DNMT3A: variants seen among roughly 807,000 people sequenced by gnomAD.
The protein encoded by DNMT3A is DNA (cytosine-5)-methyltransferase 3A.
A neutral mutation model predicts 117.6 loss-of-function variants in DNMT3A; 267 were observed. The ratio of observed to expected loss-of-function variants is 2.27; its 90% confidence interval spans 2.05 to 2.51. The LOEUF is 2.51. Among genes scored for constraint, DNMT3A ranks in the 30% most tolerant of loss-of-function variants. The pLI is 0.00. For missense variants in DNMT3A, 1,029 were observed against 1,260.2 expected (o/e 0.82, Z 2.78); for synonymous variants, 432 against 474.8 (o/e 0.91, Z 1.17).
intron 2 of DNMT3A, among the ~76,000 whole-genome samples, chr2:25,308,421 A>C (rs2033899266): frequency 6.6e-6 from 1 of 152,108 alleles, no homozygotes; most frequent in South Asian, 2.1e-4. Context: ...GTACTGACCA[A>C]GATTAACTAC....
chr2:25,237,258 G>A lies in DNMT3A; in HGVS notation c.2409-253C>T, dbSNP rs17046942. The stretch of plus-strand genomic sequence containing the variant: ...GTAAATTCAAAAGTGGTCTCAAATT[G>A]TGAACAGGCAGATAACACCTAGCAG... On this transcript the variant is annotated intron_variant, in intron 20 of 22. Transcript: ENST00000321117. The surrounding 1 kb of genome is among the most constrained non-coding windows in gnomAD (Gnocchi z 5.4). Among the ~76,000 whole-genome samples, 772 of 152,250 alleles carry A rather than the reference G, an allele frequency of 5.1e-3. 9 individuals are homozygous for A. The highest frequency in any genetic ancestry group is 0.018 in the African/African-American group (741 of 41,534).
chr2:25,342,387 C>G (rs1432882175), upstream of DNMT3A: 2 of 152,102 alleles, frequency 1.3e-5, no homozygotes, highest in African/African-American at 4.8e-5. The surrounding 1 kb of genome is among the most constrained non-coding windows in gnomAD (Gnocchi z 5.9). Context: ...TAGCCGAGCT[C>G]CGGGCCTCGC....
chr2:25,280,327 C>G (rs1279797365), intron 4 of DNMT3A, among the ~76,000 whole-genome samples: 9 of 130,770 alleles, frequency 6.9e-5, no homozygotes, highest in South Asian at 6.3e-4. Context: ...CCCGCCCCCC[C>G]ACCCCCCACC....
chr2:25,326,151 T>TGTGG (rs749169220), intron 1 of DNMT3A, among the ~76,000 whole-genome samples: 1 of 141,912 alleles, frequency 7.0e-6, no homozygotes, highest in Non-Finnish European at 1.6e-5. Context: ...TGTGTGTGTG[T>TGTGG]GGTGTGTTTG....
rs1165199901 is a variant in DNMT3A, at chr2:25,282,501, T to C, written c.388A>G (p.Arg130Gly). Reference protein sequence around the residue: ...GAAETLPEASRAVENGCCTPK... With the variant: ...GAAETLPEASGAVENGCCTPK... ...GTGCAGCAGCCATTTTCCACTGCTC[T>C]TGAGGCTTCAGGCAGGGTCTCAGCT... The change falls in exon 4 of 23, where the codon AGA (arginine) becomes GGA (glycine). Residue 130 changes from arginine to glycine, a missense_variant. Coordinates refer to ENST00000321117, the MANE Select transcript of DNMT3A (RefSeq NM_022552.5). This position sits in a 1 kb window ranked among gnomAD's most constrained non-coding sequence, Gnocchi z 5.2. The C allele has an allele frequency of 2.5e-6, 4 of 1,613,338 alleles. No individual in the cohort carries two copies. Among genetic ancestry groups the C allele is most frequent in the Non-Finnish European group, 3.4e-6 (4 of 1,179,950 alleles).
intron 3 of DNMT3A, among the ~76,000 whole-genome samples, chr2:25,284,814 C>T (rs1469534961): frequency 2.6e-5 from 4 of 151,882 alleles, no homozygotes; most frequent in East Asian, 1.9e-4. Context: ...TATGCATTGA[C>T]AATCATGTGT....
chr2:25,340,982 A>T (rs1315880011), intron 1 of DNMT3A, among the ~76,000 whole-genome samples: 6 of 138,628 alleles, frequency 4.3e-5, no homozygotes, highest in Non-Finnish European at 7.9e-5. Flanking sequence ...GGGCACGACC[A>T]CCCCTCTCCG....
chr2:25,296,974 C>T lies in DNMT3A; in HGVS notation c.177+3165G>A, dbSNP rs1481786217. Among the ~76,000 whole-genome samples, 1 of 152,184 alleles carries T rather than the reference C, an allele frequency of 6.6e-6. No homozygotes were observed. Among genetic ancestry groups the T allele is most frequent in the African/African-American group, 2.4e-5 (1 of 41,444 alleles). On this transcript the variant is annotated intron_variant, in intron 3 of 22. Transcript: ENST00000321117. This position sits in a 1 kb window ranked among gnomAD's most constrained non-coding sequence, Gnocchi z 4.2. ...GTCAGGACCTGAGCCAAGCTCCTTCCCCAGGCTTAGCTGGATGACACACTC... is the reference window on the plus strand; with the variant it reads ...GTCAGGACCTGAGCCAAGCTCCTTCTCCAGGCTTAGCTGGATGACACACTC...
At chr2:25,235,060 G>A (rs1321787662) in intron 22 of DNMT3A, among the ~76,000 whole-genome samples, 1 of 152,198 alleles carries the variant, frequency 6.6e-6, no homozygotes, top group Non-Finnish European at 1.5e-5. Context: ...GCCCTATGCT[G>A]GCTTGGTTTA....
Position 25,282,847 on chromosome 2 carries a change from T to G in DNMT3A, c.178-136A>C. On this transcript the variant is annotated intron_variant, in intron 3 of 22. Transcript: ENST00000321117. The surrounding 1 kb of genome is among the most constrained non-coding windows in gnomAD (Gnocchi z 5.2). The stretch of plus-strand genomic sequence containing the variant: ...GAAACTGTGTTCATATAAACCTTCA[T>G]GCAAACAGATACATTCACAATTTTG... 2.7e-6 allele frequency: 3 copies of G among 1,109,034 alleles called. No individual in the cohort carries two copies. The highest frequency in any genetic ancestry group is 3.7e-6 in the Non-Finnish European group (3 of 816,084). The allele number at this position is 1,109,034 out of a possible 1,614,324, so 68.7% of individuals were successfully genotyped here. A position where few individuals can be genotyped will look rare whatever the true frequency, so the allele number is the denominator to read the frequency against.
At chr2:25,335,271 G>A (rs1212479617) in intron 1 of DNMT3A, among the ~76,000 whole-genome samples, 1 of 152,120 alleles carries the variant, frequency 6.6e-6, no homozygotes, top group Non-Finnish European at 1.5e-5. Flanking sequence ...TTATCACTTC[G>A]GGAACCTATA....
chr2:25,302,194 T>G (rs181552772), intron 2 of DNMT3A, among the ~76,000 whole-genome samples: 5 of 151,722 alleles, frequency 3.3e-5, no homozygotes, highest in Admixed American at 3.3e-4. Flanking sequence ...ACACAGGAGA[T>G]AGAGAGAGAA....
intron 5 of DNMT3A, 147 bp downstream of exon 5, chr2:25,275,353 A>G: frequency 7.9e-7 from 1 of 1,272,970 alleles, no homozygotes; most frequent in Non-Finnish European, 1.1e-6. Context: ...GGGACTTCCA[A>G]CCTCCACGCC....
In DNMT3A at chr2:25,327,203, T is replaced by C. The variant is rs1258299386; in HGVS notation, c.-177-13042A>G. On this transcript the variant is annotated intron_variant, in intron 1 of 22. Transcript: ENST00000321117. This position sits in a 1 kb window ranked among gnomAD's most constrained non-coding sequence, Gnocchi z 4.1. ...TTACTTCTTACTAGCCAATTCCTCA[T>C]TATTCCAATCCAATTAGAGTTAATA... 6.6e-6 allele frequency among the ~76,000 whole-genome samples: 1 copy of C among 152,238 alleles called. No individual in the cohort carries two copies. The highest frequency in any genetic ancestry group is 1.5e-5 in the Non-Finnish European group (1 of 68,046).
intron 20 of DNMT3A, among the ~76,000 whole-genome samples, chr2:25,238,332 A>G (rs909857694): frequency 7.2e-5 from 11 of 152,174 alleles, no homozygotes; most frequent in Non-Finnish European, 1.5e-4. Flanking sequence ...CCTCATGGGA[A>G]TAGCAAGGAG....
rs541926518 is a variant in DNMT3A, at chr2:25,234,539, G to A, written c.2598-119C>T. Reference sequence around the variant, plus strand: ...GCAGCCACCCGAAGTGCAGGGACAGGGGCACTCACACCCACCAACTCCTCT... The same window carrying A: ...GCAGCCACCCGAAGTGCAGGGACAGAGGCACTCACACCCACCAACTCCTCT... On this transcript the variant is annotated intron_variant, in intron 22 of 22. Coordinates refer to ENST00000321117, the MANE Select transcript of DNMT3A (RefSeq NM_022552.5). This position sits in a 1 kb window ranked among gnomAD's most constrained non-coding sequence, Gnocchi z 4.5. 6 of 1,208,826 alleles carry A rather than the reference G, an allele frequency of 5.0e-6. No homozygotes were observed. The highest frequency in any genetic ancestry group is 2.9e-5 in the Admixed American group (1 of 35,068). 74.9% of individuals were successfully genotyped at this position (1,208,826 alleles called of 1,614,324 possible).
At chr2:25,249,819 GCA>G (rs1675294710) in intron 6 of DNMT3A, 1 of 1,413,746 alleles carries the variant, frequency 7.1e-7, no homozygotes, top group Non-Finnish European at 1.0e-6. Flanking sequence ...TCAAGGCTTT[GCA>G]CCCATTTCCA....
At chr2:25,249,699 C>A in intron 6 of DNMT3A, 1 of 1,614,234 alleles carries the variant, frequency 6.2e-7, no homozygotes, top group Non-Finnish European at 8.5e-7. Flanking sequence ...CGCGCCCATT[C>A]CTTCTCACAA....
intron 1 of DNMT3A, among the ~76,000 whole-genome samples, chr2:25,341,264 C>T (rs1293851721): frequency 6.9e-6 from 1 of 144,490 alleles, no homozygotes; most frequent in East Asian, 2.1e-4. Context: ...TTTCTGCCGC[C>T]GCCGCGGAGC....
Sources: allele counts gnomAD v4.1 joint callset (sites outside exome capture counted in the v4.1 genomes callset), GRCh38; gene constraint gnomAD v4.1.1; non-coding constraint Gnocchi (gnomAD v3.1); transcripts MANE v1.5; gene names NCBI Gene and HGNC (gene_info 2026-07-23, HGNC 2026-07-21).